Variants in DCC observed in about 807,000 individuals in gnomAD.
DCC encodes netrin receptor DCC.
Under a neutral mutation model 172.5 loss-of-function variants are expected in DCC, and 58 were observed. The ratio of observed to expected loss-of-function variants is 0.34; its 90% CI spans 0.27 to 0.42. The LOEUF is 0.42. Among genes scored for constraint, DCC ranks in the 10% least tolerant of loss-of-function variants. The pLI is 1.00. For missense variants in DCC, 1,740 were observed against 1,791.0 expected (o/e 0.97, Z 0.51); for synonymous variants, 709 against 644.5 (o/e 1.10, Z -1.52).
intron 2 of DCC, among the ~76,000 whole-genome samples, chr18:52,764,374 A>G (rs1370016721): frequency 6.6e-6 from 1 of 152,216 alleles, no homozygotes; most frequent in Non-Finnish European, 1.5e-5. Context: ...TGGTTTGGAT[A>G]TTCATCCCCT....
intron 22 of DCC, 137 bp downstream of exon 22, chr18:53,435,346 ATG>A: frequency 1.6e-6 from 1 of 637,244 alleles, no homozygotes; most frequent in Non-Finnish European, 2.8e-6. Flanking sequence ...TAATAGAAAC[ATG>A]AAGTTATTAA....
intron 22 of DCC, among the ~76,000 whole-genome samples, chr18:53,437,261 C>G (rs1285801609): frequency 6.6e-6 from 1 of 152,124 alleles, no homozygotes; most frequent in South Asian, 2.1e-4. Context: ...CTCTGGCAGT[C>G]CCTAACATAC....
In DCC at chr18:53,111,944, T is replaced by C. The variant is rs118187767; in HGVS notation, c.1262-45412T>C. 5.6e-3 allele frequency among the ~76,000 whole-genome samples: 849 copies of C among 151,602 alleles called. 6 individuals are homozygous for C. Among genetic ancestry groups the C allele is most frequent in the Admixed American group, 0.022 (340 of 15,176 alleles). ...CTGATCTACCAGGAAATGAGAGTTG[T>C]GTTAAGAGGGAAAAAAAGAGAAGAA... On this transcript the variant is annotated intron_variant, in intron 7 of 28. Transcript: ENST00000442544.
chr18:53,210,007 C>T (rs930616465), intron 11 of DCC, among the ~76,000 whole-genome samples: 3 of 152,200 alleles, frequency 2.0e-5, no homozygotes, highest in African/African-American at 7.2e-5. Context: ...CATCACTGTG[C>T]AAAGGACACC....
At chr18:52,494,465 T>C (rs571975598) in intron 1 of DCC, among the ~76,000 whole-genome samples, 16 of 152,132 alleles carry the variant, frequency 1.1e-4, no homozygotes, top group Non-Finnish European at 8.8e-5. Flanking sequence ...CAATTACCTG[T>C]ATATTAGATA....
At chr18:52,513,296 G>A (rs1787124) in intron 1 of DCC, among the ~76,000 whole-genome samples, 2 of 152,074 alleles carry the variant, frequency 1.3e-5, no homozygotes, top group East Asian at 1.9e-4. Context: ...CATGAGACAC[G>A]ACTTCCTGAG....
At chr18:52,592,680 C>T (rs1319660308) in intron 1 of DCC, among the ~76,000 whole-genome samples, 12 of 152,218 alleles carry the variant, frequency 7.9e-5, no homozygotes, top group African/African-American at 2.9e-4. Context: ...GTTGCCCAGG[C>T]TGGAGTGCAG....
intron 8 of DCC, among the ~76,000 whole-genome samples, chr18:53,178,527 C>T (rs1598879749): frequency 6.6e-6 from 1 of 152,252 alleles, no homozygotes; most frequent in East Asian, 1.9e-4. Context: ...TGCATAAATG[C>T]ATTTGTTGGC....
chr18:52,929,640 A>G (rs2040273342), intron 5 of DCC, among the ~76,000 whole-genome samples: 1 of 152,062 alleles, frequency 6.6e-6, no homozygotes, highest in African/African-American at 2.4e-5. Context: ...TATTTTTTTT[A>G]CTGTAACTTC....
At chr18:53,004,488 A>G (rs544917518) in intron 5 of DCC, among the ~76,000 whole-genome samples, 2 of 152,330 alleles carry the variant, frequency 1.3e-5, no homozygotes, top group African/African-American at 4.8e-5. Flanking sequence ...GTGGCAGAAT[A>G]ATTTCTTAAG....
At chr18:52,625,236 T>C (rs1180938156) in intron 1 of DCC, among the ~76,000 whole-genome samples, 2 of 152,192 alleles carry the variant, frequency 1.3e-5, no homozygotes, top group East Asian at 3.9e-4. Flanking sequence ...AACTACATTA[T>C]GTAAATTTAG....
intron 1 of DCC, among the ~76,000 whole-genome samples, chr18:52,739,414 G>A (rs1290942105): frequency 2.0e-5 from 3 of 152,084 alleles, no homozygotes; most frequent in Non-Finnish European, 2.9e-5. Context: ...GTTCCCAGGG[G>A]TTGTATGAAA....
chr18:52,961,757 C>G (rs927287428), intron 5 of DCC, among the ~76,000 whole-genome samples: 1 of 152,030 alleles, frequency 6.6e-6, no homozygotes, highest in African/African-American at 2.4e-5. Context: ...TACCAGAACA[C>G]AGATATAGAT....
At chr18:52,834,938 G>A (rs1375232388) in intron 2 of DCC, among the ~76,000 whole-genome samples, 5 of 150,382 alleles carry the variant, frequency 3.3e-5, no homozygotes, top group South Asian at 2.1e-4. Flanking sequence ...GGACATATAT[G>A]TATATATTTG....
rs989383552 is a variant in DCC at position 52,556,771 on chromosome 18, T to C, written c.92-195283T>C. Reference sequence around the variant, plus strand: ...ATTGCACATACTCCCATAAAGGGAGTTTCCCCAGTGTCAATTGGTGCCGCC... The same window carrying C: ...ATTGCACATACTCCCATAAAGGGAGCTTCCCCAGTGTCAATTGGTGCCGCC... On this transcript the variant is annotated intron_variant, in intron 1 of 28. Transcript: ENST00000442544. Among the ~76,000 whole-genome samples, 5 of 150,762 alleles carry C rather than the reference T, an allele frequency of 3.3e-5. No individual in the cohort carries two copies. The East Asian group carries it at 5.9e-4, about 18-fold the overall frequency.
intron 2 of DCC, among the ~76,000 whole-genome samples, chr18:52,829,956 A>G (rs2038583886): frequency 6.6e-6 from 1 of 152,164 alleles, no homozygotes; most frequent in Non-Finnish European, 1.5e-5. Flanking sequence ...CCCACTGAGA[A>G]GATGACATTT....
intron 12 of DCC, among the ~76,000 whole-genome samples, chr18:53,253,166 C>T (rs1015208548): frequency 4.0e-5 from 6 of 151,866 alleles, no homozygotes; most frequent in African/African-American, 1.2e-4. Context: ...CAGTAGGATC[C>T]GGAATATTTT....
chr18:53,336,189 G>GT (rs1763097133), intron 14 of DCC, among the ~76,000 whole-genome samples: 1 of 152,142 alleles, frequency 6.6e-6, no homozygotes, highest in South Asian at 2.1e-4. Context: ...AGAGATACTT[G>GT]TAAAATGTTT....
chr18:52,644,677 C>G (rs1408185821), intron 1 of DCC, among the ~76,000 whole-genome samples: 1 of 151,322 alleles, frequency 6.6e-6, no homozygotes, highest in Non-Finnish European at 1.5e-5. Context: ...ATCACTTGAG[C>G]CCAAGAGTTT....
Sources: allele counts gnomAD v4.1 joint callset (sites outside exome capture counted in the v4.1 genomes callset), GRCh38; gene constraint gnomAD v4.1.1; transcripts MANE v1.5; gene names NCBI Gene and HGNC (gene_info 2026-07-23, HGNC 2026-07-21).